Variants in PPP1R16B observed in about 807,000 individuals in gnomAD.
The protein encoded by PPP1R16B is protein phosphatase 1 regulatory inhibitor subunit 16B.
Under a neutral mutation model 61.7 loss-of-function variants are expected in PPP1R16B, and 14 were observed. The ratio of observed to expected loss-of-function variants is 0.23; its 90% CI spans 0.15 to 0.35. The LOEUF is 0.35. Among genes scored for constraint, PPP1R16B ranks in the 10% least tolerant of loss-of-function variants. The pLI is 1.00. For synonymous variants in PPP1R16B, 266 were observed against 305.3 expected, an observed-to-expected ratio of 0.87 and a Z score of 1.34; for missense variants, 547 against 752.5, an observed-to-expected ratio of 0.73 and a Z score of 3.19.
intron 1 of PPP1R16B, among the ~76,000 whole-genome samples, chr20:38,829,171 A>C (rs897870415): frequency 3.3e-5 from 5 of 152,212 alleles, no homozygotes; most frequent in Non-Finnish European, 7.3e-5. Flanking sequence ...CTAGGGGAAG[A>C]GGTGAACACA....
At chr20:38,911,700 C>T (rs2085491926) in intron 10 of PPP1R16B, among the ~76,000 whole-genome samples, 1 of 152,020 alleles carries the variant, frequency 6.6e-6, no homozygotes, top group Non-Finnish European at 1.5e-5. Flanking sequence ...CCACGCCCGG[C>T]TAATTTTTCT....
intron 3 of PPP1R16B, among the ~76,000 whole-genome samples, chr20:38,890,017 G>A (rs2085280971): frequency 6.6e-6 from 1 of 152,190 alleles, no homozygotes; most frequent in Non-Finnish European, 1.5e-5. Context: ...CCACCCTGGC[G>A]ACAGAGGCAG....
At chr20:38,820,680 A>G (rs2084767604) in intron 1 of PPP1R16B, among the ~76,000 whole-genome samples, 1 of 152,022 alleles carries the variant, frequency 6.6e-6, no homozygotes, top group Admixed American at 6.6e-5. Context: ...GGTTGTACCA[A>G]TTTATATTCC....
At chr20:38,884,349 T>C (rs1202088478) in intron 2 of PPP1R16B, among the ~76,000 whole-genome samples, 4 of 152,224 alleles carry the variant, frequency 2.6e-5, no homozygotes, top group Admixed American at 2.6e-4. Context: ...AGTAGCTCTG[T>C]AGGCGGAACC....
chr20:38,821,859 C>A (rs918032150), intron 1 of PPP1R16B, among the ~76,000 whole-genome samples: 6 of 151,764 alleles, frequency 4.0e-5, no homozygotes, highest in African/African-American at 1.5e-4. Context: ...CATTGATTGC[C>A]TTTTCTCTTG....
Position 38,899,523 on chromosome 20 carries a change from T to A in PPP1R16B, c.468-1058T>A, listed in dbSNP as rs183542484. Among the ~76,000 whole-genome samples the A allele has an allele frequency of 1.8e-4, 28 of 152,358 alleles. No individual in the cohort carries two copies. In the East Asian group the frequency reaches 5.2e-3, roughly 28 times the overall value. ...ATGGTCCCCAGGTAATTCTGCCACATGGCATCCAGGGCCATTCTTAGGAAC... is the reference window on the plus strand; with the variant it reads ...ATGGTCCCCAGGTAATTCTGCCACAAGGCATCCAGGGCCATTCTTAGGAAC... On this transcript the variant is annotated intron_variant, in intron 4 of 10. Transcript: ENST00000299824.
At chr20:38,874,081 G>A (rs1483982467) in intron 2 of PPP1R16B, among the ~76,000 whole-genome samples, 1 of 152,144 alleles carries the variant, frequency 6.6e-6, no homozygotes, top group African/African-American at 2.4e-5. Flanking sequence ...CATCCTATTG[G>A]TGACACATTA....
At chr20:38,887,971 T>G (rs1459666036) in intron 2 of PPP1R16B, among the ~76,000 whole-genome samples, 1 of 152,198 alleles carries the variant, frequency 6.6e-6, no homozygotes, top group Non-Finnish European at 1.5e-5. Flanking sequence ...CCTTGAGGAC[T>G]CCTCCCTTGC....
intron 1 of PPP1R16B, among the ~76,000 whole-genome samples, chr20:38,833,872 C>T (rs2084852851): frequency 6.6e-6 from 1 of 152,228 alleles, no homozygotes; most frequent in Non-Finnish European, 1.5e-5. Flanking sequence ...AGGATTTAGC[C>T]TGAGCCCTGC....
intron 1 of PPP1R16B, among the ~76,000 whole-genome samples, chr20:38,821,994 T>TA (rs1568653056): frequency 4.8e-5 from 7 of 145,768 alleles, no homozygotes; most frequent in Admixed American, 6.9e-5. Context: ...TATATATATA[T>TA]TAATATATAT....
chr20:38,838,049 G>A (rs2084883989), intron 2 of PPP1R16B: 1 of 152,238 alleles, frequency 6.6e-6, no homozygotes, highest in South Asian at 2.1e-4. Context: ...AGCGGGATCA[G>A]AACCACTGGC....
chr20:38,815,072 G>A (rs989954446), intron 1 of PPP1R16B, among the ~76,000 whole-genome samples: 4 of 151,842 alleles, frequency 2.6e-5, no homozygotes, highest in African/African-American at 9.7e-5. Flanking sequence ...TTAAGCTTTT[G>A]TTTTCCTATG....
intron 4 of PPP1R16B, among the ~76,000 whole-genome samples, chr20:38,895,915 T>C (rs370897006): frequency 0.039 from 1,548 of 39,378 alleles, 74 homozygotes; most frequent in African/African-American, 0.083. Flanking sequence ...CCTTCTTTCT[T>C]CCCTCCCTCC....
chr20:38,855,927 T>G (rs1237222002), intron 2 of PPP1R16B, among the ~76,000 whole-genome samples: 26 of 54,758 alleles, frequency 4.7e-4, no homozygotes, highest in Non-Finnish European at 6.3e-4. Flanking sequence ...TATATATATA[T>G]ATATATATAT....
chr20:38,850,307 C>T (rs574989783), intron 2 of PPP1R16B, among the ~76,000 whole-genome samples: 2 of 152,086 alleles, frequency 1.3e-5, no homozygotes, highest in African/African-American at 4.8e-5. Flanking sequence ...TCTGCTTCTC[C>T]CAAACACATG....
At chr20:38,850,827 G>A (rs1005062451) in intron 2 of PPP1R16B, among the ~76,000 whole-genome samples, 2 of 151,940 alleles carry the variant, frequency 1.3e-5, no homozygotes, top group Non-Finnish European at 2.9e-5. Flanking sequence ...AAATAACCAG[G>A]TGTGGTGGTG....
chr20:38,916,344 T>C (rs1365511967), intron 10 of PPP1R16B, among the ~76,000 whole-genome samples: 2 of 148,226 alleles, frequency 1.3e-5, no homozygotes, highest in South Asian at 2.1e-4. Flanking sequence ...TAAATACATA[T>C]ATATGTTATA....
chr20:38,825,992 C>T (rs1384169173), intron 1 of PPP1R16B, among the ~76,000 whole-genome samples: 3 of 152,228 alleles, frequency 2.0e-5, no homozygotes, highest in Non-Finnish European at 4.4e-5. Context: ...GTAGCCACCA[C>T]CAACCTAAGT....
At chr20:38,858,957 C>A (rs1255804399) in intron 2 of PPP1R16B, among the ~76,000 whole-genome samples, 1 of 152,190 alleles carries the variant, frequency 6.6e-6, no homozygotes, top group Non-Finnish European at 1.5e-5. Flanking sequence ...CCCCATGTAG[C>A]CTCTCTACGA....
Sources: gnomAD v4.1 joint callset for allele counts (sites outside exome capture counted in the v4.1 genomes callset) on GRCh38, gnomAD v4.1.1 for gene constraint, MANE v1.5 for transcripts, NCBI Gene and HGNC (gene_info 2026-07-23, HGNC 2026-07-21) for gene names.